SNX29: variants seen among roughly 807,000 people sequenced by gnomAD.
SNX29 encodes sorting nexin-29.
A neutral mutation model predicts 102.1 loss-of-function variants in SNX29; 78 were observed. The ratio of observed to expected loss-of-function variants is 0.76; its 90% CI spans 0.64 to 0.92. The LOEUF (loss-of-function observed/expected upper bound fraction) is 0.92. Among genes scored for constraint, SNX29 ranks in the 40% least tolerant of loss-of-function variants. The probability of loss-of-function intolerance (pLI) is 0.00; values close to 1 mark genes in which losing one functional copy is unlikely to be tolerated. For missense variants in SNX29, 1,280 were observed against 1,061.7 expected (o/e 1.21, Z -2.86); for synonymous variants, 580 against 414.5 (o/e 1.40, Z -4.85).
rs538809419 is a variant in SNX29, at chr16:12,573,847, T to A, written c.*5218T>A. 10 of 212,908 alleles carry A rather than the reference T, an allele frequency of 4.7e-5. No homozygotes were observed. The South Asian group carries it at 1.7e-3, about 36-fold the overall frequency. The allele number at this position is 212,908 out of a possible 1,614,324, so 13.2% of individuals were successfully genotyped here. ...AATTTTTATTATCCAGGACTCATCCTAAGAAGAATGTTGGCCTCTCTTCAT... is the reference window on the plus strand; with the variant it reads ...AATTTTTATTATCCAGGACTCATCCAAAGAAGAATGTTGGCCTCTCTTCAT... On this transcript the variant is annotated 3_prime_UTR_variant, in exon 21 of 21. Coordinates refer to ENST00000566228, the MANE Select transcript of SNX29 (RefSeq NM_032167.5).
rs2079218446 is a variant in SNX29 at position 12,572,918 on chromosome 16, G to C, written c.*4289G>C. ...TTCGCTCGGAATCACGGCAGACTTG[G>C]AGTGTTTCTTCAAGGCAGGCATCTG... On this transcript the variant is annotated 3_prime_UTR_variant, in exon 21 of 21. Transcript: ENST00000566228. 6 of 971,302 alleles carry C rather than the reference G, an allele frequency of 6.2e-6. No homozygotes were observed. The highest frequency in any genetic ancestry group is 5.1e-5 in the East Asian group (1 of 19,466). The allele number at this position is 971,302 out of a possible 1,614,324, so 60.2% of individuals were successfully genotyped here.
chr16:12,553,533 C>G lies in SNX29; in HGVS notation c.2319-14973C>G, dbSNP rs116908698. Among the ~76,000 whole-genome samples, 468 of 152,164 alleles carry G rather than the reference C, an allele frequency of 3.1e-3. 17 individuals are homozygous for G. In the East Asian group the frequency reaches 0.085, roughly 28 times the overall value. On this transcript the variant is annotated intron_variant, in intron 20 of 20. Coordinates refer to ENST00000566228, the MANE Select transcript of SNX29 (RefSeq NM_032167.5). The stretch of plus-strand genomic sequence containing the variant: ...CCATCACAGTGCTGGAGGAGGGACC[C>G]CACAGAGCACTGCAGGGAGCTAAGC...
intron 20 of SNX29, among the ~76,000 whole-genome samples, chr16:12,540,283 C>T (rs866764153): frequency 1.5e-4 from 23 of 152,126 alleles, no homozygotes; most frequent in Non-Finnish European, 2.6e-4. Context: ...GAGGACAGGA[C>T]TAGAGGCATT....
chr16:12,527,290 C>G (rs1182832820), intron 20 of SNX29: 1 of 532,090 alleles, frequency 1.9e-6, no homozygotes, highest in Admixed American at 2.2e-5. Context: ...TCTCCATGTG[C>G]TGCCCACAGA....
chr16:12,374,009 G>A (rs2082782342), intron 16 of SNX29: 2 of 152,204 alleles, frequency 1.3e-5, no homozygotes, highest in Admixed American at 1.3e-4. Flanking sequence ...AGTGGCTGTT[G>A]GAATAAGCCA....
At position 12,395,303 on chromosome 16, in the gene SNX29, C is replaced by T. The variant is rs569447894; in HGVS notation, c.1900-3143C>T. On this transcript the variant is annotated intron_variant, in intron 16 of 20. Coordinates refer to ENST00000566228, the MANE Select transcript of SNX29 (RefSeq NM_032167.5). ...ACTAGGGAGAAGAGACTTCTTGTCTCTGTTCTGTCCCTGCTCCCCATCTGC... is the reference window on the plus strand; with the variant it reads ...ACTAGGGAGAAGAGACTTCTTGTCTTTGTTCTGTCCCTGCTCCCCATCTGC... Among the ~76,000 whole-genome samples the T allele has an allele frequency of 1.1e-4, 17 of 152,276 alleles. No homozygotes were observed. In the East Asian group the frequency reaches 1.5e-3, roughly 14 times the overall value.
chr16:12,438,043 A>AG (rs1257051869), intron 18 of SNX29, among the ~76,000 whole-genome samples: 1 of 152,044 alleles, frequency 6.6e-6, no homozygotes, highest in Non-Finnish European at 1.5e-5. Context: ...ACTCTTGGCC[A>AG]GGGGCTGCTG....
At chr16:12,350,962 G>C (rs549849445) in intron 15 of SNX29, among the ~76,000 whole-genome samples, 5 of 152,162 alleles carry the variant, frequency 3.3e-5, no homozygotes, top group Non-Finnish European at 5.9e-5. Context: ...CAAATGAATT[G>C]TCCTTAACCA....
chr16:12,188,461 TTGAGTGAGGGAC>T (rs919092667), intron 13 of SNX29, among the ~76,000 whole-genome samples: 1 of 152,142 alleles, frequency 6.6e-6, no homozygotes, highest in Non-Finnish European at 1.5e-5. Context: ...TATGTAAGTT[TTGAGTGAGGGAC>T]TGACAAGTAT....
Position 12,096,992 on chromosome 16 carries a change from C to T in SNX29, c.1402+18077C>T, listed in dbSNP as rs763039779. 6.6e-6 allele frequency among the ~76,000 whole-genome samples: 1 copy of T among 152,040 alleles called. No individual in the cohort carries two copies. The highest frequency in any genetic ancestry group is 1.5e-5 in the Non-Finnish European group (1 of 67,964). ...AGGAGGTCTTGCACAGATGGGGATG[C>T]TGGGCCAGAAGGGAACCTCCCTGCA... On this transcript the variant is annotated intron_variant, in intron 11 of 20. Transcript: ENST00000566228. The surrounding 1 kb of genome is among the most constrained non-coding windows in gnomAD (Gnocchi z 4.2).
At chr16:12,553,627 G>T (rs1161536944) in intron 20 of SNX29, among the ~76,000 whole-genome samples, 2 of 141,188 alleles carry the variant, frequency 1.4e-5, no homozygotes, top group African/African-American at 2.7e-5. Context: ...TTTTGTGCTT[G>T]TTGCCCAGGC....
At position 12,048,339 on chromosome 16, in the gene SNX29, A is replaced by T. The variant is rs187533975; in HGVS notation, c.500-33A>T. 4 of 1,613,624 alleles carry T rather than the reference A, an allele frequency of 2.5e-6. No individual in the cohort carries two copies. In the Admixed American group the frequency reaches 6.7e-5, roughly 27 times the overall value. On this transcript the variant is annotated intron_variant, in intron 6 of 20. Transcript: ENST00000566228. ...GTTGCTGGTATGACTGCCCATCAGC[A>T]AGCACTCCAGACTTTTCCCTTTTTT...
chr16:12,356,858 C>G (rs959078542), intron 16 of SNX29, among the ~76,000 whole-genome samples: 1 of 152,172 alleles, frequency 6.6e-6, no homozygotes, highest in Non-Finnish European at 1.5e-5. Context: ...AGCTTCACCT[C>G]GCCAGGTTTT....
At chr16:12,205,273 T>A (rs1013567939) in intron 14 of SNX29, among the ~76,000 whole-genome samples, 3 of 152,138 alleles carry the variant, frequency 2.0e-5, no homozygotes, top group African/African-American at 7.2e-5. Context: ...GGCAAAGATG[T>A]CTCGTTTGAG....
intron 20 of SNX29, among the ~76,000 whole-genome samples, chr16:12,551,818 TCA>T (rs752597220): frequency 5.9e-5 from 9 of 152,280 alleles, no homozygotes; most frequent in Admixed American, 2.0e-4. Context: ...TATCCCCGCC[TCA>T]GTTTTGTCAC....
intron 11 of SNX29, among the ~76,000 whole-genome samples, chr16:12,101,400 T>C (rs1403922752): frequency 2.0e-5 from 3 of 151,746 alleles, no homozygotes; most frequent in Admixed American, 2.0e-4. Flanking sequence ...TTTTTTTTTT[T>C]TGAGACAGAG....
chr16:12,544,390 G>C (rs2077488969), intron 20 of SNX29, among the ~76,000 whole-genome samples: 2 of 152,206 alleles, frequency 1.3e-5, no homozygotes, highest in African/African-American at 4.8e-5. Context: ...GGCGTTGTGA[G>C]GTGGTTCTGC....
At chr16:12,088,908 C>A (rs888060137) in intron 11 of SNX29, among the ~76,000 whole-genome samples, 8 of 152,050 alleles carry the variant, frequency 5.3e-5, no homozygotes, top group African/African-American at 1.9e-4. Flanking sequence ...GCCAACACAG[C>A]GAAACCCCAT....
intron 14 of SNX29, among the ~76,000 whole-genome samples, chr16:12,253,505 T>C (rs991912271): frequency 1.6e-4 from 25 of 152,130 alleles, no homozygotes; most frequent in African/African-American, 5.6e-4. Context: ...AGATCATGAC[T>C]TTAAGTGAGT....
Sources: allele counts gnomAD v4.1 joint callset (sites outside exome capture counted in the v4.1 genomes callset), GRCh38; gene constraint gnomAD v4.1.1; non-coding constraint Gnocchi (gnomAD v3.1); transcripts MANE v1.5; gene names NCBI Gene and HGNC (gene_info 2026-07-23, HGNC 2026-07-21).